Variants in ALAS2 observed in about 807,000 individuals in gnomAD.
ALAS2 encodes 5'-aminolevulinate synthase 2, also known as 5-aminolevulinate synthase, erythroid-specific, mitochondrial.
ALAS2 carries 3 observed loss-of-function variants against 33.7 expected under a neutral mutation model. The observed-to-expected ratio is 0.09, with a 90% confidence interval of 0.04 to 0.23. The LOEUF is 0.23. Among genes scored for constraint, ALAS2 ranks in the 10% least tolerant of loss-of-function variants. ALAS2 has a pLI of 1.00. For synonymous variants in ALAS2, 191 were observed against 177.3 expected (o/e 1.08, Z -0.61); for missense variants, 304 against 475.1 (o/e 0.64, Z 3.35).
At chrX:55,013,766 T>A in intron 9 of ALAS2, 118 bp from the exon 10 acceptor site, 1 of 881,099 alleles carries the variant, frequency 1.1e-6, no homozygotes, top group South Asian at 2.1e-5. Flanking sequence ...GGATAGATTT[T>A]TTTTTTCCAT....
rs1459776143 is a variant in ALAS2, at chrX:55,009,361, AGGGGAGGG to A, written c.1601-26_1601-19del. 1.7e-6 allele frequency: 2 copies of A among 1,185,828 alleles called. No individual in the cohort carries two copies. Among genetic ancestry groups the A allele is most frequent in the Admixed American group, 2.4e-5 (1 of 42,399 alleles). On this transcript the variant is annotated intron_variant, in intron 10 of 10. Coordinates refer to ENST00000650242, the MANE Select transcript of ALAS2 (RefSeq NM_000032.5). Reference sequence around the variant, plus strand: ...CAGCTTCTCTGAAGGTGGTAGGGGGAGGGGAGGGAAAAAATGGGTTAGACTAGATCTTC... The same window carrying A: ...CAGCTTCTCTGAAGGTGGTAGGGGGAAAAAAATGGGTTAGACTAGATCTTC...
At position 55,014,966 on chromosome X, in the gene ALAS2, C is replaced by T; in HGVS notation, c.1218G>A (p.Leu406=). 2 of 1,208,896 alleles carry T rather than the reference C, an allele frequency of 1.7e-6. No homozygotes were observed. The highest frequency in any genetic ancestry group is 2.2e-5 in the Admixed American group (1 of 45,778). ...CAGCATAGGAGCGCACCATGTCCACCAAGTCACGGGTGCTGGCAATGTAGC... is the reference window on the plus strand; with the variant it reads ...CAGCATAGGAGCGCACCATGTCCACTAAGTCACGGGTGCTGGCAATGTAGC... ...VGGYIASTRD[L]VDMVRSYAAG... is the part of the protein sequence containing the mutation. The change falls in exon 9 of 11, where the codon TTG becomes TTA. Residue 406 remains leucine, a synonymous_variant. Coordinates refer to ENST00000650242, the MANE Select transcript of ALAS2 (RefSeq NM_000032.5).
Position 55,024,846 on chromosome X carries a change from C to T in ALAS2, c.182-6G>A. The T allele has an allele frequency of 8.3e-7, 1 of 1,211,107 alleles. No homozygotes were observed. The highest frequency in any genetic ancestry group is 1.1e-6 in the Non-Finnish European group (1 of 895,156). ...CTTCGCCCAAGATGGAGAATCTATG[C>T]AAAGGTAAGAGAGTAATTTGGGGTG... On this transcript the variant is annotated splice_polypyrimidine_tract_variant and splice_region_variant and intron_variant, in intron 2 of 10. Coordinates refer to ENST00000650242, the MANE Select transcript of ALAS2 (RefSeq NM_000032.5).
rs751668155 is a variant in ALAS2 at position 55,026,025 on chromosome X, A to G, written c.-15-10T>C. 2.5e-6 allele frequency: 3 copies of G among 1,203,453 alleles called. No homozygotes were observed. In the South Asian group the frequency reaches 5.3e-5, roughly 21 times the overall value. On this transcript the variant is annotated splice_polypyrimidine_tract_variant and intron_variant, in intron 1 of 10. Transcript: ENST00000650242. ...TCTTGAACCTAAAGTCCTGCAGAAGACATGGAAGAGATGAGGTTCCATCAT... is the reference window on the plus strand; with the variant it reads ...TCTTGAACCTAAAGTCCTGCAGAAGGCATGGAAGAGATGAGGTTCCATCAT...
chrX:55,022,575 CT>C (rs1192386121), intron 4 of ALAS2, among the ~76,000 whole-genome samples: 5 of 111,819 alleles, frequency 4.5e-5, no homozygotes, highest in African/African-American at 1.6e-4. Context: ...TCCTTGATAA[CT>C]GGTACAGCCA....
intron 5 of ALAS2, 97 bp downstream of exon 5, chrX:55,020,955 C>T: frequency 2.5e-6 from 2 of 788,338 alleles, no homozygotes; most frequent in Admixed American, 2.6e-5. Context: ...GGTGATAGAA[C>T]CCAAGTTTCC....
chrX:55,011,474 T>C (rs1002348948), intron 10 of ALAS2, among the ~76,000 whole-genome samples: 6 of 111,350 alleles, frequency 5.4e-5, no homozygotes, highest in Non-Finnish European at 1.1e-4. Flanking sequence ...AAGGGAGCAA[T>C]ATAGTCAGAA....
rs1333806839 is a variant in ALAS2, at chrX:55,030,309, C to A, written c.-16+633G>T. Among the ~76,000 whole-genome samples the A allele has an allele frequency of 3.6e-5, 4 of 111,557 alleles. No individual in the cohort carries two copies. The Admixed American group carries it at 3.8e-4, about 11-fold the overall frequency. ...TGACACTACATTCCTCTTCCACTTT[C>A]TTCACTTATTTCTGCTAATTATTCA... is the stretch of plus-strand genomic sequence containing the variant. On this transcript the variant is annotated intron_variant, in intron 1 of 10. Coordinates refer to ENST00000650242, the MANE Select transcript of ALAS2 (RefSeq NM_000032.5).
Position 55,015,027 on chromosome X carries a change from A to C in ALAS2, c.1169-12T>G. 1 of 1,207,641 alleles carries C rather than the reference A, an allele frequency of 8.3e-7. No homozygotes were observed. Among genetic ancestry groups the C allele is most frequent in the South Asian group, 1.8e-5 (1 of 55,907 alleles). On this transcript the variant is annotated splice_polypyrimidine_tract_variant and intron_variant, in intron 8 of 10. Coordinates refer to ENST00000650242, the MANE Select transcript of ALAS2 (RefSeq NM_000032.5). Reference sequence around the variant, plus strand: ...GCCAAAGGCCTTGCCTGGAGACAGAAAGGAATAAGATATACACAGATCCCA... The same window carrying C: ...GCCAAAGGCCTTGCCTGGAGACAGACAGGAATAAGATATACACAGATCCCA...
intron 2 of ALAS2, 130 bp downstream of exon 2, chrX:55,025,690 G>T: frequency 2.9e-6 from 2 of 686,532 alleles, no homozygotes; most frequent in East Asian, 3.3e-5. Flanking sequence ...ATATTTTGGG[G>T]CCAGTTCATG....
chrX:55,020,199 A>C, intron 6 of ALAS2, 121 bp downstream of exon 6: 1 of 705,577 alleles, frequency 1.4e-6, no homozygotes, highest in African/African-American at 2.1e-5. Context: ...AAGGTGGATA[A>C]GAAGGAAGAA....
chrX:55,024,667 G>T (rs372829909), intron 3 of ALAS2, 51 bp downstream of exon 3: 77 of 1,203,759 alleles, frequency 6.4e-5, no homozygotes, highest in Non-Finnish European at 8.0e-5. Flanking sequence ...GTGACGTAGT[G>T]TGTTCAAGCA....
At chrX:55,010,157 A>C (rs1259253418) in intron 10 of ALAS2, among the ~76,000 whole-genome samples, 1 of 111,292 alleles carries the variant, frequency 9.0e-6, no homozygotes. Flanking sequence ...TATCCCATCT[A>C]TCAGCAAAGA....
At chrX:55,012,026 A>C (rs759920600) in intron 10 of ALAS2, among the ~76,000 whole-genome samples, 1 of 112,101 alleles carries the variant, frequency 8.9e-6, no homozygotes, top group Non-Finnish European at 1.9e-5. Context: ...TAATACGTGT[A>C]AAGTGTTTAG....
At chrX:55,015,129 CT>C (rs922116550) in intron 8 of ALAS2, 114 bp from the exon 9 acceptor site, 1 of 824,094 alleles carries the variant, frequency 1.2e-6, no homozygotes, top group African/African-American at 2.1e-5. Context: ...TCCAGGCTGT[CT>C]TCCCAGGCCT....
Position 55,021,210 on chromosome X carries a change from G to A in ALAS2, c.480C>T (p.His160=). 8.3e-7 allele frequency: 1 copy of A among 1,212,066 alleles called. No homozygotes were observed. Among genetic ancestry groups the A allele is most frequent in the African/African-American group, 1.7e-5 (1 of 57,925 alleles). Residue 160 remains histidine (H), a synonymous_variant, in exon 5 of 11, where the codon CAC becomes CAT. Transcript: ENST00000650242. ...RDKIMEKKQD[H]TYRVFKTVNR... is the part of the protein sequence containing the mutation. ...TCACAGTCTTGAACACACGGTAGGT[G>A]TGATCCTGTTTCTTCTCCATGATCT...
At chrX:55,027,783 C>T (rs751758241) in intron 1 of ALAS2, 4 of 1,211,487 alleles carry the variant, frequency 3.3e-6, no homozygotes, top group Non-Finnish European at 4.5e-6. Flanking sequence ...TTGTTCCATC[C>T]CAGAGCAACC....
intron 1 of ALAS2, among the ~76,000 whole-genome samples, chrX:55,026,920 G>A (rs892965518): frequency 9.0e-6 from 1 of 111,303 alleles, no homozygotes; most frequent in Non-Finnish European, 1.9e-5. Flanking sequence ...ATTTAGGAAA[G>A]ATAAAAGGAG....
At chrX:55,017,383 A>G (rs1602247242) in intron 7 of ALAS2, 103 bp downstream of exon 7, 4 of 800,069 alleles carry the variant, frequency 5.0e-6, no homozygotes, top group East Asian at 6.3e-5. Flanking sequence ...AATAAACACT[A>G]TAAATATTAG....
Sources: allele counts gnomAD v4.1 joint callset (sites outside exome capture counted in the v4.1 genomes callset), GRCh38; gene constraint gnomAD v4.1.1; transcripts MANE v1.5; gene names NCBI Gene and HGNC (gene_info 2026-07-23, HGNC 2026-07-21).